Variants in DLGAP2 observed in about 807,000 individuals in gnomAD.
DLGAP2 encodes DLG associated protein 2.
Under a neutral mutation model 100.3 loss-of-function variants are expected in DLGAP2, and 26 were observed. That is an observed-to-expected ratio of 0.26 (90% CI 0.19 to 0.36). The LOEUF is 0.36. DLGAP2 is among the 10% of genes least tolerant of loss of function. The pLI is 1.00. For synonymous variants in DLGAP2, 886 were observed against 630.1 expected, an observed-to-expected ratio of 1.41 and a Z score of -6.08; for missense variants, 1,858 against 1,453.2, an observed-to-expected ratio of 1.28 and a Z score of -4.53.
intron 3 of DLGAP2, among the ~76,000 whole-genome samples, chr8:1,416,108 T>C (rs989662403): frequency 1.3e-5 from 2 of 152,170 alleles, no homozygotes; most frequent in Non-Finnish European, 2.9e-5. Flanking sequence ...CTGCATAATA[T>C]CTGCTTGAGG....
intron 2 of DLGAP2, among the ~76,000 whole-genome samples, chr8:1,142,977 A>C (rs1343049572): frequency 6.6e-6 from 1 of 152,146 alleles, no homozygotes; most frequent in Non-Finnish European, 1.5e-5. Context: ...GGAGAACTAC[A>C]CAGGATAGAG....
intron 3 of DLGAP2, among the ~76,000 whole-genome samples, chr8:1,438,652 C>G (rs992616965): frequency 6.6e-6 from 1 of 152,182 alleles, no homozygotes; most frequent in South Asian, 2.1e-4. Flanking sequence ...GGGCAACACT[C>G]GCCAGAGTTT....
At chr8:1,632,724 C>T in intron 7 of DLGAP2, 103 bp from the exon 8 acceptor site, 1 of 1,115,776 alleles carries the variant, frequency 9.0e-7, no homozygotes. Context: ...AACTATGAGG[C>T]AGTGAAAGGC....
chr8:1,037,861 G>A (rs776569925), intron 2 of DLGAP2, among the ~76,000 whole-genome samples: 5 of 152,174 alleles, frequency 3.3e-5, no homozygotes, highest in South Asian at 2.1e-4. Flanking sequence ...TCAGACAGCC[G>A]GTCTCTCCAC....
chr8:1,421,938 C>A (rs1207504997), intron 3 of DLGAP2, among the ~76,000 whole-genome samples: 1 of 152,014 alleles, frequency 6.6e-6, no homozygotes, highest in Non-Finnish European at 1.5e-5. Flanking sequence ...TGCACTCTAG[C>A]CTGGGCGACA....
intron 1 of DLGAP2, among the ~76,000 whole-genome samples, chr8:793,810 G>C (rs1795970366): frequency 6.6e-6 from 1 of 152,106 alleles, no homozygotes; most frequent in Non-Finnish European, 1.5e-5. Context: ...CTATTATTTT[G>C]TTTTACAGAA....
intron 2 of DLGAP2, among the ~76,000 whole-genome samples, chr8:1,190,724 C>T (rs1797615405): frequency 6.6e-6 from 1 of 152,154 alleles, no homozygotes; most frequent in South Asian, 2.1e-4. Context: ...CCAGAGGTCA[C>T]CTGCCTCAAT....
At chr8:850,079 C>T (rs1158021761) in intron 1 of DLGAP2, among the ~76,000 whole-genome samples, 1 of 137,802 alleles carries the variant, frequency 7.3e-6, no homozygotes, top group African/African-American at 2.7e-5. Flanking sequence ...AAAAAAAAAA[C>T]TAGGTTGTTT....
chr8:928,162 G>A (rs781260723), intron 2 of DLGAP2, among the ~76,000 whole-genome samples: 4 of 152,162 alleles, frequency 2.6e-5, no homozygotes, highest in East Asian at 1.9e-4. Context: ...TCATAGACAC[G>A]GATGTACTGA....
chr8:873,476 C>G (rs939145992), intron 1 of DLGAP2, among the ~76,000 whole-genome samples: 4 of 152,146 alleles, frequency 2.6e-5, no homozygotes, highest in African/African-American at 4.8e-5. Context: ...TCATAGATGC[C>G]TTTTATTAAG....
intron 3 of DLGAP2, among the ~76,000 whole-genome samples, chr8:1,382,756 C>T (rs983199326): frequency 6.6e-6 from 1 of 152,070 alleles, no homozygotes. Context: ...GGGAAAAAAA[C>T]AAAAGAAATG....
chr8:1,578,970 C>T (rs1391951751), intron 6 of DLGAP2, among the ~76,000 whole-genome samples: 2 of 152,192 alleles, frequency 1.3e-5, no homozygotes, highest in Non-Finnish European at 2.9e-5. Flanking sequence ...CCAAGTCCTA[C>T]TGAATCCAAT....
intron 3 of DLGAP2, among the ~76,000 whole-genome samples, chr8:1,426,834 C>G (rs1161282280): frequency 3.3e-5 from 5 of 152,106 alleles, no homozygotes; most frequent in Non-Finnish European, 7.4e-5. Context: ...AAATTAGTGT[C>G]AGATATACAA....
chr8:792,474 A>G (rs1372632795), intron 1 of DLGAP2, among the ~76,000 whole-genome samples: 2 of 152,232 alleles, frequency 1.3e-5, no homozygotes, highest in East Asian at 1.9e-4. Context: ...CATAATAAAA[A>G]CGGTTCTAAT....
At chr8:1,051,154 G>C (rs146491586) in intron 2 of DLGAP2, among the ~76,000 whole-genome samples, 149 of 152,148 alleles carry the variant, frequency 9.8e-4, no homozygotes, top group African/African-American at 3.3e-3. Context: ...GGGCACAAGG[G>C]GAGCAGCTTC....
chr8:1,587,942 C>T (rs1415001360), intron 6 of DLGAP2, among the ~76,000 whole-genome samples: 11 of 152,132 alleles, frequency 7.2e-5, no homozygotes, highest in Non-Finnish European at 1.6e-4. Flanking sequence ...TTCACTATAC[C>T]AATGAGCTAC....
chr8:1,355,877 G>A (rs1801837541), intron 3 of DLGAP2, among the ~76,000 whole-genome samples: 1 of 152,156 alleles, frequency 6.6e-6, no homozygotes, highest in African/African-American at 2.4e-5. Context: ...TAGGGTCCCT[G>A]TCTGCATTAT....
chr8:1,657,327 T>C (rs1798307135), intron 8 of DLGAP2, among the ~76,000 whole-genome samples: 1 of 152,230 alleles, frequency 6.6e-6, no homozygotes, highest in Admixed American at 6.5e-5. Context: ...GACATACATA[T>C]AGAAAGTGAT....
At chr8:741,532 G>C (rs1474572752) in intron 1 of DLGAP2, among the ~76,000 whole-genome samples, 1 of 152,174 alleles carries the variant, frequency 6.6e-6, no homozygotes, top group Non-Finnish European at 1.5e-5. Context: ...GTCCGCTGCA[G>C]GTGCACCTCT....
Sources: allele counts gnomAD v4.1 joint callset (sites outside exome capture counted in the v4.1 genomes callset), GRCh38; gene constraint gnomAD v4.1.1; transcripts MANE v1.5; gene names NCBI Gene and HGNC (gene_info 2026-07-23, HGNC 2026-07-21).